The following MAST4 variants were observed in gnomAD, a reference collection of about 807,000 sequenced individuals.
The protein encoded by MAST4 is microtubule associated serine/threonine kinase family member 4, also known as microtubule-associated serine/threonine-protein kinase 4.
Under a neutral mutation model 162.7 loss-of-function variants are expected in MAST4, and 89 were observed. The ratio of observed to expected loss-of-function variants is 0.55; its 90% CI spans 0.46 to 0.65. The LOEUF (loss-of-function observed/expected upper bound fraction) is 0.65, where lower values mean the gene tolerates loss of function less well. MAST4 is among the 30% of genes least tolerant of loss of function. MAST4 has a pLI of 0.00. For missense variants in MAST4, 3,153 were observed against 3,374.0 expected (o/e 0.93, Z 1.62); for synonymous variants, 1,479 against 1,361.1 (o/e 1.09, Z -1.91).
intron 4 of MAST4, among the ~76,000 whole-genome samples, chr5:67,017,340 A>C (rs1165410710): frequency 6.6e-6 from 1 of 152,158 alleles, no homozygotes; most frequent in African/African-American, 2.4e-5. Flanking sequence ...CCCTTTAGGA[A>C]CTTTGTTAAG....
chr5:67,088,052 C>G (rs1447702257), intron 5 of MAST4, among the ~76,000 whole-genome samples: 1 of 152,134 alleles, frequency 6.6e-6, no homozygotes, highest in Admixed American at 6.5e-5. Flanking sequence ...ACCTCTTTAT[C>G]TATATCTCTG....
intron 2 of MAST4, among the ~76,000 whole-genome samples, chr5:66,772,275 G>A (rs1299176705): frequency 6.6e-6 from 1 of 152,116 alleles, no homozygotes; most frequent in Non-Finnish European, 1.5e-5. Context: ...ATAGGTAACT[G>A]GCTCTTCTGA....
At chr5:67,106,839 A>G (rs1765653786) in intron 10 of MAST4, among the ~76,000 whole-genome samples, 2 of 152,170 alleles carry the variant, frequency 1.3e-5, no homozygotes, top group Non-Finnish European at 1.5e-5. Flanking sequence ...ACTCCCTGGT[A>G]CTGAGTTCAG....
At position 67,163,850 on chromosome 5, in the gene MAST4, C is replaced by T. The variant is rs538736862; in HGVS notation, c.4671C>T (p.Pro1557=). The T allele has an allele frequency of 4.8e-5, 78 of 1,613,770 alleles. No homozygotes were observed. The Admixed American group carries it at 1.2e-3, about 26-fold the overall frequency. ...KQESHQKSHG[P]GSDLENFALF... ...AATCCCACCAGAAATCCCATGGACC[C>T]GGGAGTGATTTGGAAAACTTTGCTC... The change falls in exon 29 of 29, where the codon CCC becomes CCT. Residue 1557 remains proline, a synonymous_variant. Coordinates refer to ENST00000403625, the MANE Select transcript of MAST4 (RefSeq NM_001164664.2). The surrounding 1 kb of genome is among the most constrained non-coding windows in gnomAD (Gnocchi z 7.0).
At chr5:67,081,019 G>T (rs1284605988) in intron 5 of MAST4, among the ~76,000 whole-genome samples, 3 of 125,170 alleles carry the variant, frequency 2.4e-5, no homozygotes, top group East Asian at 2.1e-4. Flanking sequence ...ATATATAATT[G>T]TATATATTAT....
intron 4 of MAST4, among the ~76,000 whole-genome samples, chr5:66,986,015 G>T (rs1162750800): frequency 6.6e-6 from 1 of 152,092 alleles, no homozygotes; most frequent in African/African-American, 2.4e-5. Flanking sequence ...GTAGAGGCTG[G>T]GATACCAAGA....
intron 1 of MAST4, among the ~76,000 whole-genome samples, chr5:66,683,079 C>T (rs930738314): frequency 6.6e-5 from 10 of 152,164 alleles, no homozygotes; most frequent in African/African-American, 2.4e-4. Flanking sequence ...AGGAACAAGA[C>T]CCTGTGTTTT....
rs568296583 is a variant in MAST4, at chr5:66,803,096, G to A, written c.642+14302G>A. 2.6e-5 allele frequency among the ~76,000 whole-genome samples: 4 copies of A among 152,132 alleles called. No individual in the cohort carries two copies. In the East Asian group the frequency reaches 7.7e-4, roughly 29 times the overall value. On this transcript the variant is annotated intron_variant, in intron 3 of 28. Transcript: ENST00000403625. Reference sequence around the variant, plus strand: ...GTCCCTTAACCTCGTGAGGCCTGGGGGTGTCCATTAGTAAAATAGGAATGG... The same window carrying A: ...GTCCCTTAACCTCGTGAGGCCTGGGAGTGTCCATTAGTAAAATAGGAATGG...
intron 1 of MAST4, among the ~76,000 whole-genome samples, chr5:66,738,580 G>A (rs975876681): frequency 6.6e-5 from 10 of 152,214 alleles, no homozygotes; most frequent in Admixed American, 5.2e-4. Context: ...CAAGTAAAAT[G>A]TGCAGTGTGT....
chr5:66,644,525 G>C (rs1238044200), intron 1 of MAST4, among the ~76,000 whole-genome samples: 6 of 152,176 alleles, frequency 3.9e-5, no homozygotes, highest in Admixed American at 3.9e-4. Context: ...CCCTGAGACA[G>C]GTACCTACAC....
At chr5:66,703,230 G>A (rs1280492220) in intron 1 of MAST4, among the ~76,000 whole-genome samples, 1 of 152,174 alleles carries the variant, frequency 6.6e-6, no homozygotes, top group African/African-American at 2.4e-5. Context: ...CCAGCAAACA[G>A]ATTCGGGAAG....
At chr5:66,953,164 G>T (rs1744900066) in intron 4 of MAST4, among the ~76,000 whole-genome samples, 1 of 152,154 alleles carries the variant, frequency 6.6e-6, no homozygotes, top group Non-Finnish European at 1.5e-5. Flanking sequence ...CCTCAACCAT[G>T]CACACTTTTT....
chr5:67,160,352 T>C, intron 26 of MAST4, 104 bp from the exon 27 acceptor site: 1 of 1,194,968 alleles, frequency 8.4e-7, no homozygotes, highest in Non-Finnish European at 1.1e-6. Context: ...GCCTTTTATA[T>C]GTATGTTCCT....
intron 3 of MAST4, among the ~76,000 whole-genome samples, chr5:66,854,279 A>G (rs1276209265): frequency 1.3e-5 from 2 of 152,202 alleles, no homozygotes; most frequent in Non-Finnish European, 2.9e-5. Context: ...CTATTTATCC[A>G]TATTTTGGTG....
intron 3 of MAST4, among the ~76,000 whole-genome samples, chr5:66,880,563 A>G (rs868547886): frequency 6.6e-6 from 1 of 152,144 alleles, no homozygotes; most frequent in Non-Finnish European, 1.5e-5. Context: ...TTCCTCCTGA[A>G]TTGTCTAGCT....
At chr5:66,784,908 T>A (rs1474720211) in intron 2 of MAST4, among the ~76,000 whole-genome samples, 1 of 152,214 alleles carries the variant, frequency 6.6e-6, no homozygotes, top group Admixed American at 6.5e-5. Flanking sequence ...CTCAACTGCA[T>A]GTGACTGTAA....
At chr5:66,747,613 C>T (rs997968962) in intron 1 of MAST4, among the ~76,000 whole-genome samples, 5 of 152,194 alleles carry the variant, frequency 3.3e-5, no homozygotes, top group African/African-American at 1.2e-4. Flanking sequence ...CTTCCTCTGT[C>T]CCGCTTCCTG....
chr5:66,911,340 A>G (rs1228617119), intron 4 of MAST4, among the ~76,000 whole-genome samples: 1 of 152,194 alleles, frequency 6.6e-6, no homozygotes, highest in African/African-American at 2.4e-5. Context: ...ATCACATGCA[A>G]ATGGTGGCAG....
intron 1 of MAST4, among the ~76,000 whole-genome samples, chr5:66,659,171 C>G (rs1746742425): frequency 1.3e-5 from 2 of 152,116 alleles, no homozygotes; most frequent in Non-Finnish European, 2.9e-5. Flanking sequence ...CTGGTAAAAC[C>G]CTTCCTTCAA....
Sources: allele counts gnomAD v4.1 joint callset (sites outside exome capture counted in the v4.1 genomes callset), GRCh38; gene constraint gnomAD v4.1.1; non-coding constraint Gnocchi (gnomAD v3.1); transcripts MANE v1.5; gene names NCBI Gene and HGNC (gene_info 2026-07-23, HGNC 2026-07-21).